The following KCNIP1 variants were observed in gnomAD, a reference collection of about 807,000 sequenced individuals.
KCNIP1 encodes the protein A-type potassium channel modulatory protein KCNIP1.
A neutral mutation model predicts 33.0 loss-of-function variants in KCNIP1; 18 were observed. That is an observed-to-expected ratio of 0.55 (90% CI 0.38 to 0.81). The LOEUF is 0.81. Ranked by LOEUF, KCNIP1 falls within the 30% of genes least tolerant of loss-of-function variation. KCNIP1 has a pLI of 0.00. For synonymous variants in KCNIP1, 93 were observed against 98.3 expected (o/e 0.95, Z 0.32); for missense variants, 238 against 271.6 (o/e 0.88, Z 0.87).
intron 1 of KCNIP1, among the ~76,000 whole-genome samples, chr5:170,442,207 C>T (rs978741354): frequency 5.3e-5 from 8 of 152,048 alleles, no homozygotes; most frequent in African/African-American, 1.7e-4. Flanking sequence ...GAGGAGACAG[C>T]GTTGCAAAGA....
chr5:170,353,580 T>C (rs993291076), exon 1 of KCNIP1: 4 of 501,320 alleles, frequency 8.0e-6, no homozygotes, highest in Non-Finnish European at 1.4e-5. Context: ...TTGGAGTACC[T>C]TGTGCCCCGG....
At chr5:170,563,218 C>T (rs987184089) in intron 1 of KCNIP1, among the ~76,000 whole-genome samples, 1 of 152,236 alleles carries the variant, frequency 6.6e-6, no homozygotes, top group Non-Finnish European at 1.5e-5. Flanking sequence ...CTGCTCCTCA[C>T]CTTGGTTGGA....
At chr5:170,636,497 A>G (rs774458670) in intron 1 of KCNIP1, among the ~76,000 whole-genome samples, 5 of 152,156 alleles carry the variant, frequency 3.3e-5, no homozygotes, top group Non-Finnish European at 7.4e-5. Context: ...GCAGTGATCT[A>G]TCCTCAAGGA....
At chr5:170,502,111 T>C (rs559107178), upstream of KCNIP1, among the ~76,000 whole-genome samples, 20 of 152,316 alleles carry the variant, frequency 1.3e-4, no homozygotes, top group African/African-American at 4.8e-4. Flanking sequence ...CTGGGCAACT[T>C]CAGGCAAATT....
intron 1 of KCNIP1, among the ~76,000 whole-genome samples, chr5:170,359,464 G>A (rs950433091): frequency 6.6e-6 from 1 of 152,124 alleles, no homozygotes; most frequent in Non-Finnish European, 1.5e-5. Context: ...CCCCTTGCTG[G>A]GGAAAGAGAG....
At chr5:170,500,870 G>GTGAA (rs1757397638), upstream of KCNIP1, among the ~76,000 whole-genome samples, 1 of 152,216 alleles carries the variant, frequency 6.6e-6, no homozygotes, top group Non-Finnish European at 1.5e-5. Flanking sequence ...GAATAAATAA[G>GTGAA]TGAATGAATG....
chr5:170,434,336 G>A (rs1755811751), intron 1 of KCNIP1, among the ~76,000 whole-genome samples: 1 of 152,170 alleles, frequency 6.6e-6, no homozygotes. Flanking sequence ...TTAGAATAGA[G>A]CATGAAATAT....
chr5:170,717,662 C>T, intron 1 of KCNIP1, among the ~76,000 whole-genome samples: 1 of 152,092 alleles, frequency 6.6e-6, no homozygotes, highest in Admixed American at 6.6e-5. Flanking sequence ...GCAATGAGAC[C>T]AACACTGATG....
At chr5:170,608,360 G>C (rs555496732) in intron 1 of KCNIP1, among the ~76,000 whole-genome samples, 1 of 152,210 alleles carries the variant, frequency 6.6e-6, no homozygotes, top group Non-Finnish European at 1.5e-5. Flanking sequence ...GCCAAAGTCA[G>C]ACAAGATCAG....
At chr5:170,560,192 T>C (rs1042263425) in intron 1 of KCNIP1, among the ~76,000 whole-genome samples, 2 of 152,114 alleles carry the variant, frequency 1.3e-5, no homozygotes, top group African/African-American at 4.8e-5. Flanking sequence ...CCACCTGTCT[T>C]CCAGCTCCTC....
At chr5:170,435,593 T>G (rs1343133767) in intron 1 of KCNIP1, among the ~76,000 whole-genome samples, 1 of 152,200 alleles carries the variant, frequency 6.6e-6, no homozygotes, top group Non-Finnish European at 1.5e-5. Context: ...AAGATGATGC[T>G]GAAGGCACAG....
intron 1 of KCNIP1, among the ~76,000 whole-genome samples, chr5:170,621,452 C>T (rs1486810327): frequency 1.3e-5 from 2 of 152,122 alleles, no homozygotes; most frequent in Admixed American, 6.5e-5. Flanking sequence ...TGTGAGCACC[C>T]CAGCAGCCAT....
intron 1 of KCNIP1, among the ~76,000 whole-genome samples, chr5:170,656,999 T>TC (rs1238013412): frequency 1.7e-4 from 24 of 143,428 alleles, no homozygotes; most frequent in East Asian, 1.2e-3. Context: ...TTTCTTTCTT[T>TC]TTTTTTTTTT....
At chr5:170,583,454 A>AG (rs1757872475) in intron 1 of KCNIP1, among the ~76,000 whole-genome samples, 1 of 152,164 alleles carries the variant, frequency 6.6e-6, no homozygotes, top group African/African-American at 2.4e-5. Context: ...GAGGAAGAGG[A>AG]GGGGGAGAAG....
chr5:170,630,216 C>T (rs1328844634), intron 1 of KCNIP1, among the ~76,000 whole-genome samples: 1 of 152,218 alleles, frequency 6.6e-6, no homozygotes, highest in East Asian at 1.9e-4. Context: ...GATACAGGAC[C>T]TGATATGTTA....
chr5:170,535,211 G>A (rs1188313654), intron 1 of KCNIP1, among the ~76,000 whole-genome samples: 15 of 152,138 alleles, frequency 9.9e-5, no homozygotes, highest in African/African-American at 1.4e-4. Flanking sequence ...CCCCAGAGAC[G>A]TTAGGAGGGA....
chr5:170,456,351 C>G (rs996609778), intron 1 of KCNIP1, among the ~76,000 whole-genome samples: 1 of 151,958 alleles, frequency 6.6e-6, no homozygotes, highest in South Asian at 2.1e-4. Context: ...GGACAAATAC[C>G]TCATGCATAT....
chr5:170,661,867 C>T (rs530860788), intron 1 of KCNIP1, among the ~76,000 whole-genome samples: 54 of 152,336 alleles, frequency 3.5e-4, no homozygotes, highest in Non-Finnish European at 6.2e-4. Flanking sequence ...GGAGCTCACA[C>T]ATCTTTCCAA....
intron 1 of KCNIP1, among the ~76,000 whole-genome samples, chr5:170,507,751 G>T (rs1229435969): frequency 7.2e-5 from 11 of 152,206 alleles, no homozygotes; most frequent in African/African-American, 2.7e-4. Flanking sequence ...AGCCCAACCT[G>T]GGTGTTCAGG....
Sources: allele counts gnomAD v4.1 joint callset (sites outside exome capture counted in the v4.1 genomes callset), GRCh38; gene constraint gnomAD v4.1.1; transcripts MANE v1.5; gene names NCBI Gene and HGNC (gene_info 2026-07-23, HGNC 2026-07-21).